The following CTNNA3 variants were observed in gnomAD, a reference collection of about 807,000 sequenced individuals.
The protein encoded by CTNNA3 is catenin alpha-3.
Under a neutral mutation model 95.7 loss-of-function variants are expected in CTNNA3, and 76 were observed. The observed-to-expected ratio is 0.79, with a 90% CI of 0.66 to 0.96. The LOEUF (loss-of-function observed/expected upper bound fraction) is 0.96. Ranked by LOEUF, CTNNA3 falls within the 40% of genes least tolerant of loss-of-function variation. The pLI is 0.00. For synonymous variants in CTNNA3, 431 were observed against 374.4 expected, an observed-to-expected ratio of 1.15 and a Z score of -1.74; for missense variants, 1,191 against 1,089.8, an observed-to-expected ratio of 1.09 and a Z score of -1.31.
chr10:67,647,757 T>C (rs1839762559), intron 1 of CTNNA3, among the ~76,000 whole-genome samples: 2 of 152,210 alleles, frequency 1.3e-5, no homozygotes, highest in Admixed American at 1.3e-4. Flanking sequence ...TACACAAGTA[T>C]GTTCATGATT....
chr10:66,135,211 G>T (rs1234055511), intron 13 of CTNNA3, among the ~76,000 whole-genome samples: 2 of 152,112 alleles, frequency 1.3e-5, no homozygotes, highest in Non-Finnish European at 2.9e-5. Context: ...AGGTTTTGAT[G>T]ACTAAATATA....
At chr10:66,978,731 C>T (rs1359485651) in intron 7 of CTNNA3, among the ~76,000 whole-genome samples, 1 of 148,950 alleles carries the variant, frequency 6.7e-6, no homozygotes, top group South Asian at 2.1e-4. Flanking sequence ...ATTTACTAAA[C>T]CTGTCACATT....
intron 5 of CTNNA3, among the ~76,000 whole-genome samples, chr10:67,274,316 C>A (rs971096996): frequency 6.6e-6 from 1 of 151,742 alleles, no homozygotes; most frequent in Admixed American, 6.6e-5. Flanking sequence ...TATACCAGAC[C>A]AAAAAAGATG....
intron 13 of CTNNA3, among the ~76,000 whole-genome samples, chr10:66,173,843 T>C (rs56010006): frequency 0.14 from 21,402 of 152,154 alleles, 2,426 homozygotes; most frequent in African/African-American, 0.32. Context: ...TCAACATCTA[T>C]TGAGCACCTA....
chr10:66,522,303 A>G (rs1297799637), intron 10 of CTNNA3, among the ~76,000 whole-genome samples: 1 of 152,020 alleles, frequency 6.6e-6, no homozygotes, highest in Non-Finnish European at 1.5e-5. Context: ...TTGTTCTTCA[A>G]TTTTAGCAGA....
intron 11 of CTNNA3, among the ~76,000 whole-genome samples, chr10:66,429,060 G>A (rs886831066): frequency 6.6e-6 from 1 of 151,936 alleles, no homozygotes; most frequent in African/African-American, 2.4e-5. Context: ...AATAAAAAAT[G>A]ATAAAGGGGA....
At chr10:66,302,522 A>G (rs929889119) in intron 12 of CTNNA3, among the ~76,000 whole-genome samples, 1 of 152,138 alleles carries the variant, frequency 6.6e-6, no homozygotes, top group Non-Finnish European at 1.5e-5. Flanking sequence ...GACACTATGA[A>G]GACGTGATAA....
chr10:67,641,355 A>C (rs1040952320), intron 2 of CTNNA3, among the ~76,000 whole-genome samples: 54 of 152,114 alleles, frequency 3.5e-4, no homozygotes, highest in African/African-American at 1.2e-3. Context: ...AGTCAGGAAA[A>C]AACAGGTGCT....
chr10:67,046,508 C>A (rs1169716437), intron 7 of CTNNA3, among the ~76,000 whole-genome samples: 1 of 152,154 alleles, frequency 6.6e-6, no homozygotes, highest in East Asian at 1.9e-4. Flanking sequence ...CAAGGGGATT[C>A]CTGGAAAGAA....
At chr10:67,574,918 A>T (rs1842096384) in intron 3 of CTNNA3, among the ~76,000 whole-genome samples, 1 of 152,176 alleles carries the variant, frequency 6.6e-6, no homozygotes, top group South Asian at 2.1e-4. Context: ...TGCAACCATA[A>T]TGAAGTCATC....
At chr10:66,810,999 G>A (rs534563066) in intron 7 of CTNNA3, among the ~76,000 whole-genome samples, 42 of 152,216 alleles carry the variant, frequency 2.8e-4, no homozygotes, top group Non-Finnish European at 5.4e-4. Context: ...ACTCAGTTGG[G>A]TTTCAGTGTA....
chr10:66,954,922 T>C (rs1201840632), intron 7 of CTNNA3, among the ~76,000 whole-genome samples: 1 of 152,130 alleles, frequency 6.6e-6, no homozygotes, highest in Non-Finnish European at 1.5e-5. Flanking sequence ...TTTTGTGCAG[T>C]TTTCTCATAT....
chr10:67,725,469 G>A (rs1033064070), intron 1 of CTNNA3, among the ~76,000 whole-genome samples: 2 of 152,166 alleles, frequency 1.3e-5, no homozygotes, highest in Admixed American at 6.5e-5. Context: ...GAGCCACTGC[G>A]CCCGGCCTTA....
chr10:66,440,425 A>G (rs1375371318), intron 11 of CTNNA3, among the ~76,000 whole-genome samples: 1 of 152,092 alleles, frequency 6.6e-6, no homozygotes, highest in Non-Finnish European at 1.5e-5. Flanking sequence ...TGCTATATGC[A>G]TGGTATTTTC....
intron 7 of CTNNA3, among the ~76,000 whole-genome samples, chr10:66,978,552 A>AAAATATATATAT: frequency 7.7e-4 from 29 of 37,886 alleles, no homozygotes; most frequent in South Asian, 4.7e-3. Context: ...AAAAAAAAAA[A>AAAATATATATAT]ATATATATAT....
chr10:66,565,938 A>G (rs979587816), intron 10 of CTNNA3, among the ~76,000 whole-genome samples: 1 of 152,186 alleles, frequency 6.6e-6, no homozygotes, highest in Non-Finnish European at 1.5e-5. Context: ...GCAGCCACTG[A>G]AAAGAAAAAA....
chr10:66,776,051 G>A (rs1307906861), intron 7 of CTNNA3, among the ~76,000 whole-genome samples: 2 of 152,194 alleles, frequency 1.3e-5, no homozygotes, highest in East Asian at 3.8e-4. Flanking sequence ...ATTGTTTTAA[G>A]TAAGAACTGG....
At chr10:66,328,959 T>G (rs2092292481) in intron 12 of CTNNA3, among the ~76,000 whole-genome samples, 1 of 117,806 alleles carries the variant, frequency 8.5e-6, no homozygotes, top group African/African-American at 2.9e-5. Context: ...AATATAATTT[T>G]TTTTTTTTGA....
In CTNNA3 at chr10:67,420,848, G is replaced by A. The variant is rs190080535; in HGVS notation, c.579+100994C>T. 5.2e-3 allele frequency among the ~76,000 whole-genome samples: 791 copies of A among 152,140 alleles called. 4 individuals are homozygous for A. The highest frequency in any genetic ancestry group is 0.013 in the South Asian group (65 of 4,820). ...TGTTTCTTATTATTGATATTAATAC[G>A]TATAAAGTTCAGGGGTTAATGAGTC... On this transcript the variant is annotated intron_variant, in intron 5 of 17. Transcript: ENST00000433211.
Sources: gnomAD v4.1 joint callset for allele counts (sites outside exome capture counted in the v4.1 genomes callset) on GRCh38, gnomAD v4.1.1 for gene constraint, MANE v1.5 for transcripts, NCBI Gene and HGNC (gene_info 2026-07-23, HGNC 2026-07-21) for gene names.